The following ROBO2 variants were observed in gnomAD, a reference collection of about 807,000 sequenced individuals.
ROBO2 encodes the protein roundabout guidance receptor 2, also known as roundabout homolog 2.
In ROBO2, 53 loss-of-function variants were observed where a neutral mutation model predicts 160.8. That is an observed-to-expected ratio of 0.33 (90% CI 0.26 to 0.41). ROBO2 has a LOEUF of 0.41. Among genes scored for constraint, ROBO2 ranks in the 10% least tolerant of loss-of-function variants. The pLI is 1.00. For synonymous variants in ROBO2, 664 were observed against 611.7 expected (o/e 1.09, Z -1.26); for missense variants, 1,577 against 1,722.4 (o/e 0.92, Z 1.49).
At chr3:76,580,325 T>TTTG (rs2085585590) in intron 2 of ROBO2, among the ~76,000 whole-genome samples, 3 of 116,030 alleles carry the variant, frequency 2.6e-5, no homozygotes, top group Admixed American at 9.1e-5. Flanking sequence ...CTGTTTTTTT[T>TTTG]TTGTTTTTTT....
At chr3:77,036,353 T>C (rs971224228), upstream of ROBO2, among the ~76,000 whole-genome samples, 8 of 152,036 alleles carry the variant, frequency 5.3e-5, no homozygotes, top group African/African-American at 1.9e-4. Flanking sequence ...TTTTTATATA[T>C]ATGCTGCCTT....
At chr3:77,112,197 A>G (rs182224531) in intron 2 of ROBO2, among the ~76,000 whole-genome samples, 40 of 72,440 alleles carry the variant, frequency 5.5e-4, no homozygotes, top group Middle Eastern at 8.8e-3. Flanking sequence ...TCGTCTCAAA[A>G]AAAAAAAAAA....
At chr3:76,568,296 T>G (rs1027931876) in intron 2 of ROBO2, among the ~76,000 whole-genome samples, 14 of 151,932 alleles carry the variant, frequency 9.2e-5, no homozygotes, top group African/African-American at 3.4e-4. Context: ...TTTTTTAATT[T>G]AATTTTATTT....
intron 2 of ROBO2, among the ~76,000 whole-genome samples, chr3:76,803,315 C>G (rs2064372328): frequency 6.6e-6 from 1 of 151,808 alleles, no homozygotes. Context: ...TTCCTTTTCT[C>G]TTTCATTCTG....
At chr3:77,216,161 C>T (rs1347156743) in intron 2 of ROBO2, among the ~76,000 whole-genome samples, 1 of 152,082 alleles carries the variant, frequency 6.6e-6, no homozygotes, top group African/African-American at 2.4e-5. Flanking sequence ...TTGTCTGTGC[C>T]CTGTCCCCAG....
intron 2 of ROBO2, among the ~76,000 whole-genome samples, chr3:76,270,006 G>C (rs1042879831): frequency 6.6e-6 from 1 of 151,986 alleles, no homozygotes; most frequent in Non-Finnish European, 1.5e-5. Context: ...AGTACAATTG[G>C]AAAAGGCTAC....
At chr3:77,216,179 G>A (rs940508230) in intron 2 of ROBO2, among the ~76,000 whole-genome samples, 2 of 152,190 alleles carry the variant, frequency 1.3e-5, no homozygotes, top group African/African-American at 4.8e-5. Flanking sequence ...CAGAGGTGGG[G>A]TCTACAGAGG....
At chr3:75,995,818 G>A (rs1163623052) in intron 2 of ROBO2, among the ~76,000 whole-genome samples, 3 of 152,216 alleles carry the variant, frequency 2.0e-5, no homozygotes, top group Non-Finnish European at 4.4e-5. Context: ...GCATCAGTGT[G>A]TCCTGGAGGT....
At chr3:76,769,939 G>T (rs2061789049) in intron 2 of ROBO2, among the ~76,000 whole-genome samples, 3 of 151,358 alleles carry the variant, frequency 2.0e-5, no homozygotes, top group South Asian at 4.1e-4. Context: ...TCTCTTAAAT[G>T]ACTATTTTCC....
intron 2 of ROBO2, among the ~76,000 whole-genome samples, chr3:77,178,696 T>A (rs1361403196): frequency 6.6e-6 from 1 of 152,072 alleles, no homozygotes; most frequent in Non-Finnish European, 1.5e-5. Context: ...CATGTACATA[T>A]TTTAAAAAAT....
chr3:77,174,820 TA>T (rs1164257591), intron 2 of ROBO2, among the ~76,000 whole-genome samples: 1 of 151,964 alleles, frequency 6.6e-6, no homozygotes, highest in Non-Finnish European at 1.5e-5. Flanking sequence ...AGAGTATAGA[TA>T]AAAAGAAAAA....
At chr3:77,594,679 A>ATTTGT (rs777080399) in intron 17 of ROBO2, among the ~76,000 whole-genome samples, 1 of 152,120 alleles carries the variant, frequency 6.6e-6, no homozygotes, top group Non-Finnish European at 1.5e-5. Flanking sequence ...GTCAATAAGT[A>ATTTGT]TTTGTTTTTC....
chr3:77,546,943 A>T (rs1171110912), intron 7 of ROBO2, among the ~76,000 whole-genome samples: 2 of 152,090 alleles, frequency 1.3e-5, no homozygotes, highest in African/African-American at 4.8e-5. Flanking sequence ...TAATTAAAGC[A>T]TGCTTCCATT....
intron 12 of ROBO2, among the ~76,000 whole-genome samples, chr3:77,566,872 C>G (rs2093498192): frequency 6.6e-6 from 1 of 151,976 alleles, no homozygotes; most frequent in Non-Finnish European, 1.5e-5. Flanking sequence ...CAAAGCATTT[C>G]TTTTTCAAAG....
chr3:77,320,725 G>A (rs1477758074), intron 2 of ROBO2, among the ~76,000 whole-genome samples: 1 of 152,086 alleles, frequency 6.6e-6, no homozygotes, highest in Admixed American at 6.6e-5. Flanking sequence ...CTTTTGTTGC[G>A]TTTGAAGGTA....
At chr3:76,489,683 A>T (rs2079707820) in intron 2 of ROBO2, among the ~76,000 whole-genome samples, 1 of 152,170 alleles carries the variant, frequency 6.6e-6, no homozygotes. Context: ...GAGCAAAATA[A>T]TTGTATTAAA....
chr3:77,536,353 A>G (rs921984592), intron 6 of ROBO2, among the ~76,000 whole-genome samples: 2 of 151,870 alleles, frequency 1.3e-5, no homozygotes, highest in Admixed American at 6.6e-5. Context: ...AACTTAATCT[A>G]AAAGAACAAA....
chr3:77,218,462 C>T (rs2085277655), intron 2 of ROBO2, among the ~76,000 whole-genome samples: 1 of 151,830 alleles, frequency 6.6e-6, no homozygotes, highest in Non-Finnish European at 1.5e-5. Flanking sequence ...CAAACTCCAC[C>T]TCCTGGGTTC....
At chr3:76,740,689 A>T (rs1478607877) in intron 2 of ROBO2, among the ~76,000 whole-genome samples, 2 of 152,114 alleles carry the variant, frequency 1.3e-5, no homozygotes, top group Non-Finnish European at 2.9e-5. Flanking sequence ...AATCTTTGAG[A>T]ACTAAATTAC....
Sources: gnomAD v4.1 joint callset for allele counts (sites outside exome capture counted in the v4.1 genomes callset) on GRCh38, gnomAD v4.1.1 for gene constraint, MANE v1.5 for transcripts, NCBI Gene and HGNC (gene_info 2026-07-23, HGNC 2026-07-21) for gene names.